Variants in SLC13A1 observed in about 807,000 individuals in gnomAD.
SLC13A1 encodes Na(+)/sulfate cotransporter.
A neutral mutation model predicts 70.0 loss-of-function variants in SLC13A1; 65 were observed. That is an observed-to-expected ratio of 0.93 (90% CI 0.76 to 1.14). The LOEUF (loss-of-function observed/expected upper bound fraction) is 1.14. Among genes scored for constraint, SLC13A1 ranks in the 50% most tolerant of loss-of-function variants. The pLI is 0.00. For missense variants in SLC13A1, 726 were observed against 717.8 expected (o/e 1.01, Z -0.13); for synonymous variants, 275 against 250.5 (o/e 1.10, Z -0.92).
At position 123,114,229 on chromosome 7, in the gene SLC13A1, G is replaced by C. The variant is rs1793108882; in HGVS notation, c.*1289C>G. On this transcript the variant is annotated 3_prime_UTR_variant, in exon 15 of 15. Coordinates refer to ENST00000194130, the MANE Select transcript of SLC13A1 (RefSeq NM_022444.4). ...TTTGTTTTTGATCATTTTTCCTTTA[G>C]CTGAATTTTGGAATGCCAATAGCAC... is the stretch of plus-strand genomic sequence containing the variant. 1 of 151,110 alleles carries C rather than the reference G, an allele frequency of 6.6e-6. No individual in the cohort carries two copies. The highest frequency in any genetic ancestry group is 2.1e-4 in the South Asian group (1 of 4,818). The allele number at this position is 151,110 out of a possible 1,614,324, so 9.4% of individuals were successfully genotyped here. A position where few individuals can be genotyped will look rare whatever the true frequency, so the allele number is the denominator to read the frequency against.
chr7:123,171,834 T>C lies in SLC13A1; in HGVS notation c.299A>G (p.Glu100Gly). The C allele has an allele frequency of 6.2e-7, 1 of 1,613,664 alleles. No individual in the cohort carries two copies. Among genetic ancestry groups the C allele is most frequent in the Non-Finnish European group, 8.5e-7 (1 of 1,179,658 alleles). ...IGVICLATSI[E>G]KWNLHKRIAL... is the part of the protein sequence containing the mutation. ...AATTCTCTTGTGCAAATTCCATTTT[T>C]CTATGGATGTTGCTAAACAGATAAC... Residue 100 changes from glutamate (E) to glycine (G), a missense_variant, in exon 3 of 15, where the codon GAA (glutamate) becomes GGA (glycine). Coordinates refer to ENST00000194130, the MANE Select transcript of SLC13A1 (RefSeq NM_022444.4).
intron 6 of SLC13A1, among the ~76,000 whole-genome samples, chr7:123,164,827 A>G (rs2116517837): frequency 6.6e-6 from 1 of 152,210 alleles, no homozygotes; most frequent in East Asian, 1.9e-4. Context: ...AATCAAAATC[A>G]GAGCTGAACT....
intron 12 of SLC13A1, among the ~76,000 whole-genome samples, chr7:123,122,798 A>G (rs1475265672): frequency 6.6e-6 from 1 of 152,158 alleles, no homozygotes; most frequent in African/African-American, 2.4e-5. Context: ...AGTATATTTC[A>G]CTAGGAGTCA....
At chr7:123,148,598 C>G in intron 6 of SLC13A1, 3 of 361,992 alleles carry the variant, frequency 8.3e-6, no homozygotes, top group South Asian at 6.2e-5. Context: ...AAAGAAGAAC[C>G]AATAACTTTT....
At position 123,123,182 on chromosome 7, in the gene SLC13A1, G is replaced by A. The variant is rs1192629517; in HGVS notation, c.1294C>T (p.Pro432Ser). 1.2e-6 allele frequency: 2 copies of A among 1,613,552 alleles called. No homozygotes were observed. The highest frequency in any genetic ancestry group is 8.5e-7 in the Non-Finnish European group (1 of 1,179,644). Residue 432 changes from proline to serine, a missense_variant, in exon 12 of 15, where the codon CCC becomes TCC. Coordinates refer to ENST00000194130, the MANE Select transcript of SLC13A1 (RefSeq NM_022444.4). ...CCAACAAGAATGGCTATATCCCAGG[G>A]CATGAATGACTGGAATTCTTTCCAA... The part of the protein sequence containing the change: ...ITWKEFQSFM[P>S]WDIAILVGGG...
intron 8 of SLC13A1, among the ~76,000 whole-genome samples, chr7:123,130,046 A>G (rs1188154700): frequency 3.3e-5 from 5 of 152,164 alleles, no homozygotes; most frequent in Admixed American, 2.0e-4. Flanking sequence ...CCTTTGGCAA[A>G]TGTATGAGAC....
rs146536367 is a variant in SLC13A1 at position 123,179,268 on chromosome 7, G to T, written c.228+1705C>A. 5.4e-3 allele frequency among the ~76,000 whole-genome samples: 828 copies of T among 152,222 alleles called. 7 individuals are homozygous for T. The highest frequency in any genetic ancestry group is 0.019 in the African/African-American group (792 of 41,536). On this transcript the variant is annotated intron_variant, in intron 2 of 14. Transcript: ENST00000194130. The stretch of plus-strand genomic sequence containing the variant: ...GAGTTTCAGATGTGGGCTTAATAAA[G>T]CTGAGTTACTTATGAGTTAAAATTA...
chr7:123,181,476 T>C (rs903442634), intron 1 of SLC13A1, among the ~76,000 whole-genome samples: 2 of 152,128 alleles, frequency 1.3e-5, no homozygotes, highest in Non-Finnish European at 2.9e-5. Context: ...AGTTACAGCC[T>C]TTCCCCTGGG....
At chr7:123,131,991 G>A (rs988883429) in intron 8 of SLC13A1, among the ~76,000 whole-genome samples, 1 of 152,158 alleles carries the variant, frequency 6.6e-6, no homozygotes, top group African/African-American at 2.4e-5. Flanking sequence ...TGAAGAACCT[G>A]TGACTCTTTT....
chr7:123,152,619 G>T (rs1282691695), intron 6 of SLC13A1, among the ~76,000 whole-genome samples: 1 of 152,034 alleles, frequency 6.6e-6, no homozygotes, highest in African/African-American at 2.4e-5. Flanking sequence ...AGTCATCATA[G>T]ATATGAAAAT....
At chr7:123,173,274 A>G (rs1441519240) in intron 2 of SLC13A1, among the ~76,000 whole-genome samples, 1 of 152,210 alleles carries the variant, frequency 6.6e-6, no homozygotes, top group African/African-American at 2.4e-5. Flanking sequence ...GATAAAAAGC[A>G]AAAATTGATA....
At chr7:123,193,490 TACGTGATCCAGGCTGAGAGAGGCA>T (rs1211936966) in intron 1 of SLC13A1, among the ~76,000 whole-genome samples, 1 of 152,194 alleles carries the variant, frequency 6.6e-6, no homozygotes, top group Non-Finnish European at 1.5e-5. Context: ...TAGAGGTTAC[TACGTGATCCAGGCTGAGAGAGGCA>T]TCACCTCAAC....
chr7:123,176,180 G>C (rs535808017), intron 2 of SLC13A1, among the ~76,000 whole-genome samples: 2 of 152,284 alleles, frequency 1.3e-5, no homozygotes, highest in Admixed American at 1.3e-4. Context: ...AAAATTAGTT[G>C]TTAAACTTAA....
At chr7:123,160,315 A>G (rs762112410) in intron 6 of SLC13A1, among the ~76,000 whole-genome samples, 5 of 151,968 alleles carry the variant, frequency 3.3e-5, no homozygotes, top group Admixed American at 6.6e-5. Flanking sequence ...ATCAGCAGAC[A>G]AATAAACTCA....
chr7:123,184,026 C>T (rs2116630751), intron 1 of SLC13A1, among the ~76,000 whole-genome samples: 1 of 151,982 alleles, frequency 6.6e-6, no homozygotes, highest in African/African-American at 2.4e-5. Context: ...TGATAGCTGC[C>T]TTCCCAGAAT....
intron 1 of SLC13A1, among the ~76,000 whole-genome samples, chr7:123,189,232 T>G (rs987959267): frequency 6.6e-6 from 1 of 151,356 alleles, no homozygotes; most frequent in Non-Finnish European, 1.5e-5. Flanking sequence ...AATCTAACAC[T>G]TTTTTTTTCT....
At chr7:123,117,344 T>G in intron 14 of SLC13A1, 127 bp downstream of exon 14, 1 of 887,390 alleles carries the variant, frequency 1.1e-6, no homozygotes, top group South Asian at 1.7e-5. Flanking sequence ...CACACTGCAT[T>G]CATAAACAGA....
rs1353776116 is a variant in SLC13A1 at position 123,114,064 on chromosome 7, A to G, written c.*1454T>C. On this transcript the variant is annotated 3_prime_UTR_variant, in exon 15 of 15. Transcript: ENST00000194130. ...CCGCCACTGCACTCCAGCCTGGGCG[A>G]CAGAGCGAGACTCCGTCTCAAAAAA... The G allele has an allele frequency of 7.1e-6, 1 of 140,416 alleles. No homozygotes were observed. The highest frequency in any genetic ancestry group is 2.6e-5 in the African/African-American group (1 of 38,188). The allele number at this position is 140,416 out of a possible 1,614,324, so 8.7% of individuals were successfully genotyped here. A position where few individuals can be genotyped will look rare whatever the true frequency, so the allele number is the denominator to read the frequency against.
At chr7:123,142,660 G>GCCC (rs1554546351) in intron 7 of SLC13A1, among the ~76,000 whole-genome samples, 1 of 132,690 alleles carries the variant, frequency 7.5e-6, no homozygotes, top group African/African-American at 2.9e-5. Flanking sequence ...TTTTTTGATG[G>GCCC]AGGCTGGAGT....
Sources: allele counts gnomAD v4.1 joint callset (sites outside exome capture counted in the v4.1 genomes callset), GRCh38; gene constraint gnomAD v4.1.1; transcripts MANE v1.5; gene names NCBI Gene and HGNC (gene_info 2026-07-23, HGNC 2026-07-21).